Variants in TATDN2 observed in about 807,000 individuals in gnomAD.
TATDN2 encodes the protein TatD DNase domain containing 2.
In TATDN2, 44 loss-of-function variants were observed where a neutral mutation model predicts 60.3. That is an observed-to-expected ratio of 0.73 (90% CI 0.57 to 0.94). TATDN2 has a LOEUF of 0.94. Among genes scored for constraint, TATDN2 ranks in the 40% least tolerant of loss-of-function variants. The pLI, the probability that TATDN2 is intolerant of heterozygous loss-of-function variation, is 0.00. For missense variants in TATDN2, 997 were observed against 948.0 expected, an observed-to-expected ratio of 1.05 and a Z score of -0.68; for synonymous variants, 399 against 355.8, an observed-to-expected ratio of 1.12 and a Z score of -1.37.
intron 2 of TATDN2, among the ~76,000 whole-genome samples, chr3:10,254,046 A>C (rs1698268099): frequency 6.6e-6 from 1 of 152,242 alleles, no homozygotes; most frequent in Admixed American, 6.5e-5. Context: ...GCCCAGGCAC[A>C]GTAAAGCACT....
chr3:10,277,369 A>G (rs1222951144), intron 5 of TATDN2, among the ~76,000 whole-genome samples: 1 of 152,056 alleles, frequency 6.6e-6, no homozygotes, highest in Non-Finnish European at 1.5e-5. Flanking sequence ...GACAGGTTGG[A>G]TGGTGGCTTC....
chr3:10,265,367 A>G (rs979502360), intron 3 of TATDN2, among the ~76,000 whole-genome samples: 1 of 129,586 alleles, frequency 7.7e-6, no homozygotes, highest in African/African-American at 2.9e-5. Context: ...ATGAGCTACC[A>G]CGCCCGGCCA....
At position 10,249,654 on chromosome 3, in the gene TATDN2, C is replaced by G. The variant is rs773078760; in HGVS notation, c.414+40C>G. The G allele has an allele frequency of 4.0e-6, 6 of 1,489,760 alleles. No homozygotes were observed. The South Asian group carries it at 4.1e-5, about 10-fold the overall frequency. 92.3% of individuals were successfully genotyped at this position (1,489,760 alleles called of 1,614,324 possible). The stretch of plus-strand genomic sequence containing the variant: ...CGCTTTGCAATCGGTGAAGCCCCTT[C>G]CACATGGCTTGAGAGGTTGGGGATG... On this transcript the variant is annotated intron_variant, in intron 2 of 7. Coordinates refer to ENST00000448281, the MANE Select transcript of TATDN2 (RefSeq NM_014760.4).
intron 2 of TATDN2, among the ~76,000 whole-genome samples, chr3:10,252,029 TC>T (rs1218172607): frequency 6.7e-6 from 1 of 149,334 alleles, no homozygotes; most frequent in Non-Finnish European, 1.5e-5. Flanking sequence ...GTGCCTGTAG[TC>T]CCAGCCACTT....
At chr3:10,257,840 G>GTTTTTTTTTTTTTTTTTTTT (rs1698334498) in intron 2 of TATDN2, among the ~76,000 whole-genome samples, 1 of 39,022 alleles carries the variant, frequency 2.6e-5, no homozygotes, top group Non-Finnish European at 6.4e-5. Flanking sequence ...AAAGGTTTAT[G>GTTTTTTTTTTTTTTTTTTTT]ATTTTTTTTT....
intron 3 of TATDN2, among the ~76,000 whole-genome samples, chr3:10,266,274 T>C (rs1209259832): frequency 6.6e-6 from 1 of 152,218 alleles, no homozygotes; most frequent in Non-Finnish European, 1.5e-5. Context: ...AAATATGTAA[T>C]GGGTGTGTTT....
rs150159130 is a variant in TATDN2 at position 10,271,036 on chromosome 3, C to T, written c.1833+21C>T. ...ACAAGGTAACAAGGCTCTCTTTAGT[C>T]TGCTTATAGTTTTAATTTTTCTTTT... On this transcript the variant is annotated intron_variant, in intron 4 of 7. Transcript: ENST00000448281. The T allele has an allele frequency of 1.1e-5, 16 of 1,517,506 alleles. No individual in the cohort carries two copies. In the East Asian group the frequency reaches 2.7e-4, roughly 26 times the overall value. 94.0% of individuals were successfully genotyped at this position (1,517,506 alleles called of 1,614,324 possible). A position where few individuals can be genotyped will look rare whatever the true frequency, so the allele number is the denominator to read the frequency against.
chr3:10,255,558 C>T lies in TATDN2; in HGVS notation c.415-4579C>T, dbSNP rs141177183. 6.0e-3 allele frequency among the ~76,000 whole-genome samples: 918 copies of T among 152,030 alleles called. 10 individuals are homozygous for T. Among genetic ancestry groups the T allele is most frequent in the Non-Finnish European group, 6.1e-3 (416 of 67,998 alleles). ...CAACTCCAGTCTTGGTCTTCACAACCAGAGGTGGCAAAACTGCTGGTCTGT... is the reference window on the plus strand; with the variant it reads ...CAACTCCAGTCTTGGTCTTCACAACTAGAGGTGGCAAAACTGCTGGTCTGT... On this transcript the variant is annotated intron_variant, in intron 2 of 7. Transcript: ENST00000448281.
intron 5 of TATDN2, 103 bp downstream of exon 5, chr3:10,276,591 C>CT (rs796762547): frequency 0.16 from 164,688 of 1,047,530 alleles, 3 homozygotes; most frequent in Non-Finnish European, 0.17. Context: ...ACTATCTATT[C>CT]TTTTTTTTTT....
At chr3:10,269,596 A>G (rs1698527472) in intron 3 of TATDN2, among the ~76,000 whole-genome samples, 1 of 152,060 alleles carries the variant, frequency 6.6e-6, no homozygotes, top group South Asian at 2.1e-4. Flanking sequence ...AGCTACTTGG[A>G]TGGCTGAGGC....
intron 3 of TATDN2, among the ~76,000 whole-genome samples, chr3:10,266,027 G>C (rs752593135): frequency 6.6e-6 from 1 of 152,070 alleles, no homozygotes; most frequent in Non-Finnish European, 1.5e-5. Context: ...GATCTTCTTG[G>C]CTGATAATCA....
At chr3:10,249,643 T>C in intron 2 of TATDN2, 29 bp downstream of exon 2, 9 of 1,498,530 alleles carry the variant, frequency 6.0e-6, no homozygotes, top group Non-Finnish European at 8.0e-6. Context: ...TTGCAATCGG[T>C]GAAGCCCCTT....
At chr3:10,267,301 T>G (rs17032596) in intron 3 of TATDN2, among the ~76,000 whole-genome samples, 4,748 of 152,148 alleles carry the variant, frequency 0.031, 196 homozygotes, top group East Asian at 0.094. Flanking sequence ...AAACATTTTC[T>G]TGGCCAACTT....
At chr3:10,253,222 A>G (rs540883216) in intron 2 of TATDN2, among the ~76,000 whole-genome samples, 17 of 151,852 alleles carry the variant, frequency 1.1e-4, no homozygotes, top group African/African-American at 2.9e-4. Context: ...GCTGGTCTCA[A>G]TCTCCTGGGG....
intron 2 of TATDN2, among the ~76,000 whole-genome samples, chr3:10,259,896 C>T (rs1698373565): frequency 6.6e-6 from 1 of 152,170 alleles, no homozygotes; most frequent in Non-Finnish European, 1.5e-5. Context: ...CATTTCAGCT[C>T]CTTCCGTCCC....
intron 3 of TATDN2, among the ~76,000 whole-genome samples, chr3:10,269,709 A>G (rs1412012250): frequency 3.9e-5 from 6 of 152,194 alleles, no homozygotes; most frequent in African/African-American, 1.4e-4. Flanking sequence ...TGAAAAAAAA[A>G]TACAACTGCC....
rs1698386917 is a variant in TATDN2, at chr3:10,260,577, G to A, written c.855G>A (p.Glu285=). 1 of 1,614,176 alleles carries A rather than the reference G, an allele frequency of 6.2e-7. No individual in the cohort carries two copies. The highest frequency in any genetic ancestry group is 8.5e-7 in the Non-Finnish European group (1 of 1,180,030). ...TAGACCCTCAAGAGAAACCCAGTGA[G>A]GAGCCCCTTGGGGACCGAAGGACTG... is the stretch of plus-strand genomic sequence containing the variant. ...VVIDPQEKPS[E]EPLGDRRTVI... is the part of the protein sequence containing the mutation. The change falls in exon 3 of 8, where the codon GAG becomes GAA. Residue 285 remains glutamate (E), a synonymous_variant. Coordinates refer to ENST00000448281, the MANE Select transcript of TATDN2 (RefSeq NM_014760.4).
intron 2 of TATDN2, among the ~76,000 whole-genome samples, chr3:10,251,154 G>T (rs1326411531): frequency 6.6e-6 from 1 of 152,056 alleles, no homozygotes; most frequent in Non-Finnish European, 1.5e-5. Context: ...GGTTATTGTG[G>T]GCCACGCACT....
rs1022174274 is a variant in TATDN2 at position 10,257,560 on chromosome 3, C to T, written c.415-2577C>T. ...AGGAGAATCTGTTGAACCTGGGGGA[C>T]GGAGGTTGCAGTGAGCTGAGATCGC... On this transcript the variant is annotated intron_variant, in intron 2 of 7. Transcript: ENST00000448281. Among the ~76,000 whole-genome samples, 3 of 127,354 alleles carry T rather than the reference C, an allele frequency of 2.4e-5. No homozygotes were observed. The Admixed American group carries it at 2.9e-4, about 12-fold the overall frequency. 83.5% of individuals were successfully genotyped at this position (127,354 alleles called of 152,430 possible). A position where few individuals can be genotyped will look rare whatever the true frequency, so the allele number is the denominator to read the frequency against.
Sources: allele counts gnomAD v4.1 joint callset (sites outside exome capture counted in the v4.1 genomes callset), GRCh38; gene constraint gnomAD v4.1.1; transcripts MANE v1.5; gene names NCBI Gene and HGNC (gene_info 2026-07-23, HGNC 2026-07-21).